The following SMURF2 variants were observed in gnomAD, a reference collection of about 807,000 sequenced individuals.
The protein encoded by SMURF2 is SMAD specific E3 ubiquitin protein ligase 2.
In SMURF2, 48 loss-of-function variants were observed where a neutral mutation model predicts 109.6. The ratio of observed to expected loss-of-function variants is 0.44; its 90% CI spans 0.35 to 0.56. SMURF2 has a LOEUF of 0.56. SMURF2 is among the 20% of genes least tolerant of loss of function. The probability of loss-of-function intolerance (pLI) is 0.01; values close to 1 mark genes in which losing one functional copy is unlikely to be tolerated. For missense variants in SMURF2, 575 were observed against 909.0 expected (o/e 0.63, Z 4.72); for synonymous variants, 288 against 317.1 (o/e 0.91, Z 0.97).
intron 1 of SMURF2, among the ~76,000 whole-genome samples, chr17:64,620,608 G>A (rs1159629033): frequency 3.3e-5 from 5 of 152,148 alleles, no homozygotes; most frequent in Admixed American, 1.3e-4. Context: ...AAACTTCTGT[G>A]AAGCCTTTTC....
chr17:64,598,449 C>T lies in SMURF2; in HGVS notation c.133G>A (p.Gly45Arg), dbSNP rs1969847643. The T allele has an allele frequency of 6.2e-7, 1 of 1,609,602 alleles. No individual in the cohort carries two copies. Among genetic ancestry groups the T allele is most frequent in the South Asian group, 1.1e-5 (1 of 90,274 alleles). Reference sequence around the variant, plus strand: ...ACAGTATCTGTAGAATGGCATTGCCCAGATCCATCAACCACCACCTTAGCA... The same window carrying T: ...ACAGTATCTGTAGAATGGCATTGCCTAGATCCATCAACCACCACCTTAGCA... ...PFAKVVVDGS[G>R]QCHSTDTVKN... Residue 45 changes from glycine to arginine, a missense_variant, in exon 3 of 19, where the codon GGG becomes AGG. Gly to Arg is a moderately radical substitution (Grantham distance 125). This residue lies in a region of SMURF2 where 0 missense variants were observed against 18.0 expected (regional missense o/e 0.00). Transcript: ENST00000262435.
At chr17:64,564,909 C>T (rs573907739) in intron 10 of SMURF2, among the ~76,000 whole-genome samples, 1 of 152,220 alleles carries the variant, frequency 6.6e-6, no homozygotes, top group African/African-American at 2.4e-5. Flanking sequence ...GGGTGGAAGT[C>T]CCACAGGGAG....
intron 1 of SMURF2, among the ~76,000 whole-genome samples, chr17:64,619,600 A>G (rs1166571414): frequency 1.3e-5 from 2 of 152,094 alleles, no homozygotes; most frequent in East Asian, 3.9e-4. Flanking sequence ...TCACAAATCA[A>G]TGGAGGCTGA....
intron 9 of SMURF2, among the ~76,000 whole-genome samples, chr17:64,572,240 A>G (rs908007417): frequency 9.2e-5 from 14 of 152,198 alleles, no homozygotes; most frequent in African/African-American, 3.4e-4. Flanking sequence ...ATCAATCCCA[A>G]TATTTGCCAA....
chr17:64,661,232 C>G (rs1259909123), intron 1 of SMURF2, among the ~76,000 whole-genome samples: 2 of 152,144 alleles, frequency 1.3e-5, no homozygotes, highest in Non-Finnish European at 2.9e-5. Context: ...ATCAGACAGG[C>G]ACACCGGAAA....
At chr17:64,630,526 T>A (rs781802388) in intron 1 of SMURF2, among the ~76,000 whole-genome samples, 14 of 151,894 alleles carry the variant, frequency 9.2e-5, no homozygotes, top group Admixed American at 3.9e-4. Flanking sequence ...GCGCAACAGG[T>A]TAGGGGTAAG....
rs975247088 is a variant in SMURF2, at chr17:64,545,209, C to T, written c.*639G>A. ...ATTATATCGCTGTATTCCAGGAAAT[C>T]CGTTCTTGAAAAATGTAAAAAAGAC... On this transcript the variant is annotated 3_prime_UTR_variant, in exon 19 of 19. Transcript: ENST00000262435. 5.3e-5 allele frequency: 8 copies of T among 152,306 alleles called. No individual in the cohort carries two copies. Among genetic ancestry groups the T allele is most frequent in the Non-Finnish European group, 1.5e-5 (1 of 67,968 alleles). The allele number at this position is 152,306 out of a possible 1,614,324, so 9.4% of individuals were successfully genotyped here.
intron 1 of SMURF2, among the ~76,000 whole-genome samples, chr17:64,643,093 C>T (rs915443767): frequency 6.6e-6 from 1 of 152,138 alleles, no homozygotes; most frequent in Admixed American, 6.6e-5. Flanking sequence ...GGCGCCATCA[C>T]GGTTCACTGC....
chr17:64,615,417 C>T (rs62073215), intron 1 of SMURF2, among the ~76,000 whole-genome samples: 3,499 of 152,210 alleles, frequency 0.023, 91 homozygotes, highest in Non-Finnish European at 0.032. Context: ...AAAATAAAAC[C>T]GAAATTCAGG....
At position 64,546,054 on chromosome 17, in the gene SMURF2, A is replaced by G. The variant is rs1315705907; in HGVS notation, c.2148-107T>C. On this transcript the variant is annotated intron_variant, in intron 18 of 18. Transcript: ENST00000262435. ...ATCACTCTGTGTCACACAGAAAACT[A>G]AAAGGTATTTCTCTAAAACAGAGAT... The G allele has an allele frequency of 1.9e-5, 17 of 878,188 alleles. No individual in the cohort carries two copies. In the Admixed American group the frequency reaches 3.0e-4, roughly 15 times the overall value. 54.4% of individuals were successfully genotyped at this position (878,188 alleles called of 1,614,324 possible). A position where few individuals can be genotyped will look rare whatever the true frequency, so the allele number is the denominator to read the frequency against.
chr17:64,561,106 A>G (rs2144603582), intron 12 of SMURF2: 1 of 182,986 alleles, frequency 5.5e-6, no homozygotes, highest in South Asian at 1.3e-4. Context: ...ACACACATGC[A>G]TGCATACACA....
chr17:64,645,725 G>A (rs1555692928), intron 1 of SMURF2, among the ~76,000 whole-genome samples: 2 of 152,306 alleles, frequency 1.3e-5, no homozygotes, highest in East Asian at 3.9e-4. Flanking sequence ...TCCTGCCTCA[G>A]CCTTATGAGT....
chr17:64,640,877 C>G (rs1970484276), intron 1 of SMURF2, among the ~76,000 whole-genome samples: 1 of 150,404 alleles, frequency 6.6e-6, no homozygotes, highest in Non-Finnish European at 1.5e-5. Flanking sequence ...CGAGATCATG[C>G]CACAGCACTC....
At chr17:64,568,732 C>T (rs1218584298) in intron 10 of SMURF2, among the ~76,000 whole-genome samples, 15 of 152,074 alleles carry the variant, frequency 9.9e-5, no homozygotes, top group African/African-American at 2.4e-4. Flanking sequence ...CCGGGCACAA[C>T]GGCTCACACC....
chr17:64,575,276 C>T (rs997721840), intron 9 of SMURF2, among the ~76,000 whole-genome samples: 2 of 151,918 alleles, frequency 1.3e-5, no homozygotes, highest in African/African-American at 2.4e-5. Context: ...TCTTCAGCCT[C>T]CTGAGTAGCT....
In SMURF2 at chr17:64,574,769, TACTC is replaced by T. The variant is rs201555405; in HGVS notation, c.858-2817_858-2814del. 8.2e-3 allele frequency among the ~76,000 whole-genome samples: 1,250 copies of T among 152,324 alleles called. 8 individuals are homozygous for T. The highest frequency in any genetic ancestry group is 0.014 in the Middle Eastern group (4 of 294). ...TTCTTAAAGCTTCGCAGAAATCCTT[TACTC>T]ACTAATAAAAAACTGACATGTTTCC... On this transcript the variant is annotated intron_variant, in intron 9 of 18. Coordinates refer to ENST00000262435, the MANE Select transcript of SMURF2 (RefSeq NM_022739.4).
chr17:64,549,486 T>C lies in SMURF2; in HGVS notation c.1870-1685A>G, dbSNP rs577287494. 2.6e-5 allele frequency among the ~76,000 whole-genome samples: 4 copies of C among 152,172 alleles called. No homozygotes were observed. In the East Asian group the frequency reaches 7.7e-4, roughly 29 times the overall value. ...GTTTAATGATTCAGGCCTGGTGCAG[T>C]GGCTCACGCCTGTAATCCTAACAAT... On this transcript the variant is annotated intron_variant, in intron 16 of 18. Transcript: ENST00000262435.
At chr17:64,598,627 AT>A (rs1488856208) in intron 2 of SMURF2, 137 bp from the exon 3 acceptor site, 2 of 603,166 alleles carry the variant, frequency 3.3e-6, no homozygotes, top group South Asian at 4.0e-5. Context: ...TGAATAGTCC[AT>A]TTTTTAAAAA....
At chr17:64,614,192 G>A (rs998429581) in intron 1 of SMURF2, among the ~76,000 whole-genome samples, 11 of 152,220 alleles carry the variant, frequency 7.2e-5, no homozygotes, top group African/African-American at 2.6e-4. Context: ...ACAGCAATCA[G>A]TATTTCAATA....
Sources: allele counts gnomAD v4.1 joint callset (sites outside exome capture counted in the v4.1 genomes callset), GRCh38; gene constraint gnomAD v4.1.1; regional missense constraint gnomAD v4.1.1; transcripts MANE v1.5; gene names NCBI Gene and HGNC (gene_info 2026-07-23, HGNC 2026-07-21).